The following HIPK3 variants were observed in gnomAD, a reference collection of about 807,000 sequenced individuals.
HIPK3 encodes the protein homeodomain interacting protein kinase 3.
HIPK3 carries 47 observed loss-of-function variants against 124.2 expected under a neutral mutation model. The observed-to-expected ratio is 0.38, with a 90% CI of 0.30 to 0.48. The LOEUF is 0.48. HIPK3 is among the 20% of genes least tolerant of loss of function. The probability of loss-of-function intolerance (pLI) is 0.98; values close to 1 mark genes in which losing one functional copy is unlikely to be tolerated. For synonymous variants in HIPK3, 482 were observed against 515.2 expected (o/e 0.94, Z 0.87); for missense variants, 1,286 against 1,454.3 (o/e 0.88, Z 1.88).
At chr11:33,325,453 A>T (rs1465852499) in intron 2 of HIPK3, among the ~76,000 whole-genome samples, 2 of 152,178 alleles carry the variant, frequency 1.3e-5, no homozygotes, top group African/African-American at 4.8e-5. Flanking sequence ...TTGCATTCAG[A>T]TTAGTATATG....
chr11:33,341,769 T>C, intron 8 of HIPK3, 83 bp downstream of exon 8: 2 of 1,319,836 alleles, frequency 1.5e-6, no homozygotes, highest in Non-Finnish European at 2.1e-6. Flanking sequence ...TTAAATATAT[T>C]GTATAATTTT....
At chr11:33,319,174 G>T (rs1376818683) in intron 2 of HIPK3, among the ~76,000 whole-genome samples, 1 of 152,132 alleles carries the variant, frequency 6.6e-6, no homozygotes, top group Non-Finnish European at 1.5e-5. Flanking sequence ...TTGGTCTTGG[G>T]TAGAAGAACA....
rs187488416 is a variant in HIPK3 at position 33,351,344 on chromosome 11, A to G, written c.2808-264A>G. 6.4e-4 allele frequency among the ~76,000 whole-genome samples: 97 copies of G among 152,316 alleles called. 1 individual carries two copies. The highest frequency in any genetic ancestry group is 3.8e-4 in the Non-Finnish European group (26 of 68,026). On this transcript the variant is annotated intron_variant, in intron 14 of 16. Transcript: ENST00000303296. ...TTTTATGAGCTGCTACTAAGGATCA[A>G]ATGGGAAGGGAAAGAAGAAAAAAAA...
intron 2 of HIPK3, among the ~76,000 whole-genome samples, chr11:33,301,857 AG>A (rs1204330836): frequency 1.6e-4 from 6 of 38,228 alleles, no homozygotes; most frequent in Non-Finnish European, 2.8e-4. Context: ...CACACACACG[AG>A]TACAGTACAG....
chr11:33,286,242 T>C (rs745969504), intron 1 of HIPK3, among the ~76,000 whole-genome samples, 171 bp from the exon 2 acceptor site: 3 of 152,154 alleles, frequency 2.0e-5, no homozygotes, highest in African/African-American at 4.8e-5. Flanking sequence ...AAGATAGTTA[T>C]CTTCTCCAAG....
chr11:33,286,993 GAAA>G lies in HIPK3; in HGVS notation c.582_584del (p.Lys194del). On this transcript the variant is annotated inframe_deletion, in exon 2 of 17. Transcript: ENST00000303296. ...TACAGCATGAAGTCTTATGCTCCAT[GAAA>G]AATACTTACGAAGTCCTTGATTTTC... The G allele has an allele frequency of 6.2e-7, 1 of 1,614,148 alleles. No homozygotes were observed.
rs149374485 is a variant in HIPK3, at chr11:33,353,231, C to A, written c.3311C>A (p.Ala1104Asp). 12 of 1,613,928 alleles carry A rather than the reference C, an allele frequency of 7.4e-6. No homozygotes were observed. The highest frequency in any genetic ancestry group is 1.0e-5 in the Non-Finnish European group (12 of 1,179,952). Residue 1104 changes from alanine to aspartate, a missense_variant, in exon 17 of 17, where the codon GCC becomes GAC. Transcript: ENST00000303296. ...AGTCCCAATCACACAGCAGTGCATG[C>A]CCACCTGGCTGGAAATACACACCTC... The part of the protein sequence containing the change: ...HGSPNHTAVH[A>D]HLAGNTHLGG...
At position 33,257,769 on chromosome 11, in the gene HIPK3, C is replaced by G; in HGVS notation, c.-123C>G. On this transcript the variant is annotated 5_prime_UTR_variant, in exon 1 of 17. Coordinates refer to ENST00000303296, the MANE Select transcript of HIPK3 (RefSeq NM_005734.5). Reference sequence around the variant, plus strand: ...GCCGCGGAGAGGGGCTGAGCCCGGGCTGGGTGGTGCCGCCTGCTGAAGCGC... The same window carrying G: ...GCCGCGGAGAGGGGCTGAGCCCGGGGTGGGTGGTGCCGCCTGCTGAAGCGC... The G allele has an allele frequency of 1.0e-6, 1 of 987,314 alleles. No individual in the cohort carries two copies. The highest frequency in any genetic ancestry group is 1.2e-6 in the Non-Finnish European group (1 of 831,342). 61.2% of individuals were successfully genotyped at this position (987,314 alleles called of 1,614,324 possible). A position where few individuals can be genotyped will look rare whatever the true frequency, so the allele number is the denominator to read the frequency against.
intron 2 of HIPK3, among the ~76,000 whole-genome samples, chr11:33,290,212 C>A (rs1851662525): frequency 6.6e-6 from 1 of 152,048 alleles, no homozygotes; most frequent in Non-Finnish European, 1.5e-5. Context: ...GTGCTAGATA[C>A]CATTAAAACT....
chr11:33,273,532 A>AG (rs1851194505), intron 1 of HIPK3, among the ~76,000 whole-genome samples: 1 of 150,910 alleles, frequency 6.6e-6, no homozygotes, highest in Non-Finnish European at 1.5e-5. Context: ...AAAAAAAAAA[A>AG]AAAAAAGAAG....
At chr11:33,301,385 T>G (rs1851995006) in intron 2 of HIPK3, among the ~76,000 whole-genome samples, 1 of 152,186 alleles carries the variant, frequency 6.6e-6, no homozygotes, top group Non-Finnish European at 1.5e-5. Context: ...TTATTATTTT[T>G]GAAATACAGT....
chr11:33,287,987 G>C (rs1029603168), intron 2 of HIPK3, among the ~76,000 whole-genome samples: 5 of 152,136 alleles, frequency 3.3e-5, no homozygotes, highest in Non-Finnish European at 7.4e-5. Flanking sequence ...TTGGATTCCA[G>C]ATTTTTCCGG....
intron 3 of HIPK3, among the ~76,000 whole-genome samples, chr11:33,329,627 C>T (rs1167807062): frequency 6.6e-6 from 1 of 152,132 alleles, no homozygotes; most frequent in African/African-American, 2.4e-5. Context: ...TGTCATCATC[C>T]ATGAACCTTC....
At chr11:33,313,817 T>C (rs1350682369) in intron 2 of HIPK3, among the ~76,000 whole-genome samples, 1 of 152,176 alleles carries the variant, frequency 6.6e-6, no homozygotes, top group Non-Finnish European at 1.5e-5. Context: ...CCCGGTCTTA[T>C]GGTTAAATAA....
chr11:33,344,825 A>G (rs1043451965), intron 8 of HIPK3, among the ~76,000 whole-genome samples: 1 of 152,168 alleles, frequency 6.6e-6, no homozygotes, highest in Non-Finnish European at 1.5e-5. Context: ...CACTCCCTCT[A>G]CAGTCTTAGT....
intron 1 of HIPK3, among the ~76,000 whole-genome samples, chr11:33,284,855 T>G (rs1851506642): frequency 6.6e-6 from 1 of 152,164 alleles, no homozygotes; most frequent in Non-Finnish European, 1.5e-5. Context: ...GACGTACACG[T>G]TTATATATTG....
At chr11:33,351,529 C>CT (rs1853656399) in intron 14 of HIPK3, 79 bp from the exon 15 acceptor site, 1 of 940,162 alleles carries the variant, frequency 1.1e-6, no homozygotes, top group Admixed American at 2.0e-5. Flanking sequence ...CATCAGTTCA[C>CT]TGGAGCCTGA....
intron 1 of HIPK3, among the ~76,000 whole-genome samples, chr11:33,265,419 G>A (rs150193343): frequency 6.6e-6 from 1 of 152,150 alleles, no homozygotes; most frequent in East Asian, 1.9e-4. Context: ...ACAGACTGTG[G>A]CCACAAAAAA....
intron 14 of HIPK3, among the ~76,000 whole-genome samples, chr11:33,350,456 C>T (rs1853623044): frequency 6.6e-6 from 1 of 150,928 alleles, no homozygotes; most frequent in South Asian, 2.1e-4. Context: ...CACTTGAGGC[C>T]AAGAGTTCGA....
Sources: gnomAD v4.1 joint callset for allele counts (sites outside exome capture counted in the v4.1 genomes callset) on GRCh38, gnomAD v4.1.1 for gene constraint, MANE v1.5 for transcripts, NCBI Gene and HGNC (gene_info 2026-07-23, HGNC 2026-07-21) for gene names.